ZBTB34: variants seen among roughly 807,000 people sequenced by gnomAD.
The protein encoded by ZBTB34 is zinc finger and BTB domain-containing protein 34.
Under a neutral mutation model 33.4 loss-of-function variants are expected in ZBTB34, and 1 was observed. That is an observed-to-expected ratio of 0.03 (90% CI 0.01 to 0.14). The LOEUF (loss-of-function observed/expected upper bound fraction) is 0.14, where lower values mean the gene tolerates loss of function less well. Ranked by LOEUF, ZBTB34 falls within the 10% of genes least tolerant of loss-of-function variation. The probability of loss-of-function intolerance (pLI) is 1.00; values close to 1 mark genes in which losing one functional copy is unlikely to be tolerated. For missense variants in ZBTB34, 406 were observed against 657.2 expected, an observed-to-expected ratio of 0.62 and a Z score of 4.18; for synonymous variants, 283 against 253.5, an observed-to-expected ratio of 1.12 and a Z score of -1.11.
chr9:126,865,201 C>T (rs540127949), intron 1 of ZBTB34, among the ~76,000 whole-genome samples: 31 of 152,310 alleles, frequency 2.0e-4, no homozygotes, highest in African/African-American at 6.7e-4. Flanking sequence ...TGGGCAGAGA[C>T]GATCCCGCAT....
chr9:126,870,692 C>T (rs373944332), intron 1 of ZBTB34, among the ~76,000 whole-genome samples: 1 of 152,136 alleles, frequency 6.6e-6, no homozygotes, highest in Non-Finnish European at 1.5e-5. Context: ...TTTGGGAGGC[C>T]GAGGTGGGTG....
At chr9:126,869,239 G>A (rs1249706347) in intron 1 of ZBTB34, among the ~76,000 whole-genome samples, 6 of 142,056 alleles carry the variant, frequency 4.2e-5, no homozygotes. Flanking sequence ...CTGTCCTAGG[G>A]CAGGAATGTA....
chr9:126,863,094 C>T (rs895356439), intron 1 of ZBTB34, among the ~76,000 whole-genome samples: 3 of 152,134 alleles, frequency 2.0e-5, no homozygotes, highest in African/African-American at 7.2e-5. Context: ...AGGTAAAAGT[C>T]ATGTGATTCT....
intron 1 of ZBTB34, among the ~76,000 whole-genome samples, chr9:126,876,292 T>C (rs1216800447): frequency 2.4e-5 from 3 of 127,652 alleles, no homozygotes; most frequent in African/African-American, 6.0e-5. Context: ...AAGGATGATG[T>C]TGCTATTGGT....
At chr9:126,885,317 A>G (rs1376526679) in exon 2 of ZBTB34, 1 of 167,076 alleles carries the variant, frequency 6.0e-6, no homozygotes, top group African/African-American at 2.4e-5. Flanking sequence ...TCCTTGTAGC[A>G]GATTCAGTCC....
chr9:126,862,479 G>T (rs2033154620), intron 1 of ZBTB34, among the ~76,000 whole-genome samples: 1 of 152,098 alleles, frequency 6.6e-6, no homozygotes, highest in Admixed American at 6.5e-5. Flanking sequence ...TCCGTGGTTT[G>T]GCCCCACCCC....
At chr9:126,871,452 T>A (rs111320674) in intron 1 of ZBTB34, among the ~76,000 whole-genome samples, 4 of 145,854 alleles carry the variant, frequency 2.7e-5, no homozygotes, top group African/African-American at 1.0e-4. Context: ...AACCTCCCCC[T>A]CCCAGGTTCA....
exon 2 of ZBTB34, chr9:126,885,584 T>G (rs993870193): frequency 6.0e-6 from 1 of 167,132 alleles, no homozygotes; most frequent in Non-Finnish European, 1.5e-5. Flanking sequence ...TATAAACTGG[T>G]AACCTCACAA....
intron 1 of ZBTB34, among the ~76,000 whole-genome samples, chr9:126,876,499 C>T (rs529164690): frequency 6.6e-6 from 1 of 151,806 alleles, no homozygotes; most frequent in Non-Finnish European, 1.5e-5. Context: ...AAGATGTAGA[C>T]ATCCTTACAT....
exon 2 of ZBTB34, chr9:126,885,728 A>G (rs939582281): frequency 4.2e-5 from 7 of 167,112 alleles, no homozygotes; most frequent in Non-Finnish European, 2.9e-5. Flanking sequence ...TTACTCTTGT[A>G]TTCACTTTGT....
At chr9:126,860,912 A>G (rs1327272437) in intron 1 of ZBTB34, among the ~76,000 whole-genome samples, 173 bp downstream of exon 1, 1 of 147,408 alleles carries the variant, frequency 6.8e-6, no homozygotes, top group Non-Finnish European at 1.5e-5. Flanking sequence ...CGCGGGCGGG[A>G]GCCGAGGCCG....
At chr9:126,881,435 T>G (rs914727215) in exon 2 of ZBTB34, 2 of 164,710 alleles carry the variant, frequency 1.2e-5, no homozygotes, top group African/African-American at 4.8e-5. Flanking sequence ...TTTATTCTGG[T>G]TGAGGTGAAT....
At chr9:126,878,037 T>C (rs1335871049) in intron 1 of ZBTB34, among the ~76,000 whole-genome samples, 4 of 152,024 alleles carry the variant, frequency 2.6e-5, no homozygotes, top group African/African-American at 9.7e-5. Context: ...AAATATTGTC[T>C]AAAATAACTC....
chr9:126,865,965 C>T (rs1015782661), intron 1 of ZBTB34, among the ~76,000 whole-genome samples: 1 of 152,126 alleles, frequency 6.6e-6, no homozygotes, highest in Non-Finnish European at 1.5e-5. Flanking sequence ...AGCCTGGGCA[C>T]AGAGCAAGAC....
At chr9:126,885,116 A>T (rs953194512) in exon 2 of ZBTB34, 6 of 167,088 alleles carry the variant, frequency 3.6e-5, no homozygotes, top group African/African-American at 1.4e-4. Context: ...CATTGTTCCA[A>T]ATTTGTAATG....
At chr9:126,882,449 C>T (rs1229711362) in exon 2 of ZBTB34, 2 of 167,074 alleles carry the variant, frequency 1.2e-5, no homozygotes, top group Non-Finnish European at 1.5e-5. Flanking sequence ...TTAGTACTTT[C>T]GGAAATGTCT....
intron 1 of ZBTB34, among the ~76,000 whole-genome samples, chr9:126,874,915 A>T (rs1400036102): frequency 6.6e-6 from 1 of 152,180 alleles, no homozygotes; most frequent in Non-Finnish European, 1.5e-5. Context: ...ATGGTTTATG[A>T]TGAGAGAATT....
chr9:126,872,016 C>T (rs1351800073), intron 1 of ZBTB34, among the ~76,000 whole-genome samples: 3 of 151,562 alleles, frequency 2.0e-5, no homozygotes, highest in African/African-American at 4.9e-5. Flanking sequence ...TACAATGGCA[C>T]GATCTCGGCT....
chr9:126,876,149 T>G (rs1439116784), intron 1 of ZBTB34, among the ~76,000 whole-genome samples: 1 of 123,218 alleles, frequency 8.1e-6, no homozygotes, highest in Non-Finnish European at 1.7e-5. Context: ...CTTTTTTTTT[T>G]TTTCCCTTCC....
Sources: allele counts gnomAD v4.1 joint callset (sites outside exome capture counted in the v4.1 genomes callset), GRCh38; gene constraint gnomAD v4.1.1; transcripts MANE v1.5; gene names NCBI Gene and HGNC (gene_info 2026-07-23, HGNC 2026-07-21).